The following CDC73 variants were observed in gnomAD, a reference collection of about 807,000 sequenced individuals.
The protein encoded by CDC73 is cell division cycle 73, also known as parafibromin.
In CDC73, 21 loss-of-function variants were observed where a neutral mutation model predicts 83.7. That is an observed-to-expected ratio of 0.25 (90% CI 0.18 to 0.36). The LOEUF is 0.36. Ranked by LOEUF, CDC73 falls within the 10% of genes least tolerant of loss-of-function variation. The pLI is 1.00. For synonymous variants in CDC73, 224 were observed against 212.9 expected, an observed-to-expected ratio of 1.05 and a Z score of -0.45; for missense variants, 342 against 653.3, an observed-to-expected ratio of 0.52 and a Z score of 5.19.
intron 10 of CDC73, among the ~76,000 whole-genome samples, chr1:193,189,655 C>T (rs573996179): frequency 1.0e-3 from 152 of 152,094 alleles, no homozygotes; most frequent in Non-Finnish European, 1.8e-3. Flanking sequence ...CTGTCCAGGC[C>T]GGTTTTAGCA....
intron 13 of CDC73, among the ~76,000 whole-genome samples, chr1:193,225,266 A>ATATG (rs1677547381): frequency 6.6e-6 from 1 of 150,554 alleles, no homozygotes; most frequent in African/African-American, 2.4e-5. Context: ...ATATATATAT[A>ATATG]TATATATCCA....
Position 193,152,372 on chromosome 1 carries a change from T to C in CDC73, c.908-8T>C, listed in dbSNP as rs754598606. 54 of 1,598,532 alleles carry C rather than the reference T, an allele frequency of 3.4e-5. No homozygotes were observed. The highest frequency in any genetic ancestry group is 4.2e-5 in the Non-Finnish European group (49 of 1,166,292). ...AAATCTTAACAATAAGCCTCTTTTT[T>C]TTCGTAGAAACGGAAGGCTTCAAAA... On this transcript the variant is annotated splice_region_variant and splice_polypyrimidine_tract_variant and intron_variant, in intron 9 of 16. Coordinates refer to ENST00000367435, the MANE Select transcript of CDC73 (RefSeq NM_024529.5).
chr1:193,149,375 T>TA (rs1676065564), intron 8 of CDC73, among the ~76,000 whole-genome samples: 4 of 151,800 alleles, frequency 2.6e-5, no homozygotes, highest in African/African-American at 9.7e-5. Context: ...ACTTATTAGA[T>TA]GTTTTTTTTT....
rs1678093368 is a variant in CDC73, at chr1:193,254,134, TTTTAA to T, written c.*3426_*3430del. ...AGATAAGTCTTTTTAAATTTTTTAT[TTTTAA>T]TTTTTTTGGAAGTTTATTAAAGCCC... On this transcript the variant is annotated 3_prime_UTR_variant, in exon 17 of 17. Coordinates refer to ENST00000367435, the MANE Select transcript of CDC73 (RefSeq NM_024529.5). 6.6e-6 allele frequency among the ~76,000 whole-genome samples: 1 copy of T among 151,944 alleles called. No individual in the cohort carries two copies. The highest frequency in any genetic ancestry group is 2.4e-5 in the African/African-American group (1 of 41,428).
chr1:193,144,802 GTT>G, intron 7 of CDC73, among the ~76,000 whole-genome samples: 1 of 147,516 alleles, frequency 6.8e-6, no homozygotes, highest in East Asian at 2.0e-4. Context: ...TTCAGACTTG[GTT>G]ATTTGGCAGA....
At chr1:193,176,330 CA>C (rs1256149147) in intron 10 of CDC73, among the ~76,000 whole-genome samples, 1 of 152,184 alleles carries the variant, frequency 6.6e-6, no homozygotes, top group African/African-American at 2.4e-5. Flanking sequence ...GTTGTATACA[CA>C]AGAACTGTTT....
intron 5 of CDC73, among the ~76,000 whole-genome samples, chr1:193,136,834 A>G (rs557046892): frequency 2.0e-5 from 3 of 152,326 alleles, no homozygotes; most frequent in South Asian, 4.1e-4. Context: ...GATTACTGCC[A>G]TGAGCCACTG....
chr1:193,181,323 C>A, intron 10 of CDC73: 1 of 1,613,996 alleles, frequency 6.2e-7, no homozygotes, highest in South Asian at 1.1e-5. Context: ...TCCAAATGTT[C>A]CGAAGGGAGC....
At chr1:193,188,600 T>A (rs1676864170) in intron 10 of CDC73, among the ~76,000 whole-genome samples, 1 of 152,190 alleles carries the variant, frequency 6.6e-6, no homozygotes, top group African/African-American at 2.4e-5. Flanking sequence ...GTATAGGGGA[T>A]ACAAAGTTGA....
intron 2 of CDC73, among the ~76,000 whole-genome samples, chr1:193,129,029 A>G (rs1675641462): frequency 8.2e-6 from 1 of 122,570 alleles, no homozygotes; most frequent in African/African-American, 3.3e-5. Context: ...ACAGTGTCTC[A>G]CTCTGTCACC....
intron 2 of CDC73, among the ~76,000 whole-genome samples, chr1:193,129,542 T>C (rs1220088873): frequency 7.4e-6 from 1 of 134,476 alleles, no homozygotes; most frequent in African/African-American, 2.7e-5. Context: ...AATCTCTCTA[T>C]GTTGCCCAGG....
At chr1:193,183,758 T>C (rs1411356724) in intron 10 of CDC73, among the ~76,000 whole-genome samples, 1 of 151,884 alleles carries the variant, frequency 6.6e-6, no homozygotes, top group Non-Finnish European at 1.5e-5. Context: ...CTTTTAAAAT[T>C]TATTTGATAA....
intron 10 of CDC73, among the ~76,000 whole-genome samples, chr1:193,192,919 C>T (rs1676943200): frequency 6.6e-6 from 1 of 152,250 alleles, no homozygotes; most frequent in Non-Finnish European, 1.5e-5. Flanking sequence ...AACTCCCTTA[C>T]ATTCCTTTTT....
intron 1 of CDC73, among the ~76,000 whole-genome samples, chr1:193,122,927 G>A (rs1192353243): frequency 3.9e-5 from 6 of 152,192 alleles, no homozygotes; most frequent in Non-Finnish European, 4.4e-5. Flanking sequence ...TTGGTGAAAT[G>A]AGTGAGCTTT....
intron 15 of CDC73, among the ~76,000 whole-genome samples, chr1:193,237,278 C>A (rs984493568): frequency 3.3e-5 from 5 of 151,826 alleles, no homozygotes; most frequent in African/African-American, 1.2e-4. Context: ...TAGAAAATAC[C>A]CAAGCTTGAA....
intron 15 of CDC73, among the ~76,000 whole-genome samples, chr1:193,239,086 A>G (rs1318841102): frequency 1.3e-5 from 2 of 152,204 alleles, no homozygotes; most frequent in Non-Finnish European, 2.9e-5. Flanking sequence ...TTATGTCTTT[A>G]GCTCAATATT....
intron 13 of CDC73, among the ~76,000 whole-genome samples, chr1:193,224,384 A>G (rs1256187763): frequency 6.6e-6 from 1 of 151,688 alleles, no homozygotes; most frequent in African/African-American, 2.4e-5. Flanking sequence ...ATACACATAT[A>G]TGAAATATGC....
At chr1:193,122,442 G>A (rs1477634294) in intron 1 of CDC73, 111 bp downstream of exon 1, 1 of 1,393,778 alleles carries the variant, frequency 7.2e-7, no homozygotes, top group Non-Finnish European at 1.0e-6. Flanking sequence ...GATAAAACGG[G>A]TGTTCGGGGA....
At chr1:193,130,274 A>G (rs1189866013) in intron 3 of CDC73, 31 bp downstream of exon 3, 2 of 1,247,020 alleles carry the variant, frequency 1.6e-6, no homozygotes, top group South Asian at 2.4e-5. Flanking sequence ...TCCCAGTCTT[A>G]AACAGACATT....
Sources: gnomAD v4.1 joint callset for allele counts (sites outside exome capture counted in the v4.1 genomes callset) on GRCh38, gnomAD v4.1.1 for gene constraint, MANE v1.5 for transcripts, NCBI Gene and HGNC (gene_info 2026-07-23, HGNC 2026-07-21) for gene names.